The following EXOSC8 variants were observed in gnomAD, a reference collection of about 807,000 sequenced individuals.
EXOSC8 encodes exosome component 8.
In EXOSC8, 37 loss-of-function variants were observed where a neutral mutation model predicts 39.9. That is an observed-to-expected ratio of 0.93 (90% CI 0.71 to 1.22). The LOEUF (loss-of-function observed/expected upper bound fraction) is 1.22, where lower values mean the gene tolerates loss of function less well. EXOSC8 is among the 50% of genes most tolerant of loss of function. The probability of loss-of-function intolerance (pLI) is 0.00; values close to 1 mark genes in which losing one functional copy is unlikely to be tolerated. For synonymous variants in EXOSC8, 93 were observed against 109.5 expected, an observed-to-expected ratio of 0.85 and a Z score of 0.94; for missense variants, 313 against 326.6, an observed-to-expected ratio of 0.96 and a Z score of 0.32.
intron 3 of EXOSC8, 31 bp downstream of exon 3, chr13:37,002,582 T>G: frequency 7.0e-7 from 1 of 1,438,504 alleles, no homozygotes; most frequent in Non-Finnish European, 9.6e-7. Context: ...TTCAACTGTA[T>G]GATATTCCCA....
intron 8 of EXOSC8, 64 bp from the exon 9 acceptor site, chr13:37,007,993 A>T: frequency 7.7e-7 from 1 of 1,294,124 alleles, no homozygotes; most frequent in South Asian, 1.3e-5. Context: ...ATTAAAAAAA[A>T]AAAAGCTTAG....
Position 37,004,391 on chromosome 13 carries a change from C to T in EXOSC8, c.193-125C>T, listed in dbSNP as rs561554718. 115 of 658,352 alleles carry T rather than the reference C, an allele frequency of 1.7e-4. 1 individual carries two copies. The East Asian group carries it at 2.7e-3, about 16-fold the overall frequency. The allele number at this position is 658,352 out of a possible 1,614,324, so 40.8% of individuals were successfully genotyped here. ...TATTGTGAGGATCAGCACCAATGTCCGTAGAGGCCCTGACACAATTCCCTA... is the reference window on the plus strand; with the variant it reads ...TATTGTGAGGATCAGCACCAATGTCTGTAGAGGCCCTGACACAATTCCCTA... On this transcript the variant is annotated intron_variant, in intron 4 of 10. Transcript: ENST00000389704.
At chr13:37,003,167 G>A (rs2059117561) in intron 4 of EXOSC8, 160 bp downstream of exon 4, 1 of 490,210 alleles carries the variant, frequency 2.0e-6, no homozygotes, top group Admixed American at 3.9e-5. Flanking sequence ...TAGATAATAT[G>A]ACCCAAGTTT....
In EXOSC8 at chr13:37,009,245, CAAA is replaced by C. The variant is rs1566079637; in HGVS notation, c.778_780del (p.Lys260del). On this transcript the variant is annotated inframe_deletion, in exon 11 of 11. Coordinates refer to ENST00000389704, the MANE Select transcript of EXOSC8 (RefSeq NM_181503.3). ...GTATGAGCCGAGCAGTTACAAGACACAAAGAAGTTAAAAAACTGATGGATGAAG... is the reference window on the plus strand; with the variant it reads ...GTATGAGCCGAGCAGTTACAAGACACGAAGTTAAAAAACTGATGGATGAAG... 6.2e-7 allele frequency: 1 copy of C among 1,613,294 alleles called. No homozygotes were observed. The highest frequency in any genetic ancestry group is 1.3e-5 in the African/African-American group (1 of 74,852).
intron 9 of EXOSC8, 71 bp downstream of exon 9, chr13:37,008,248 C>T: frequency 2.3e-6 from 3 of 1,304,572 alleles, no homozygotes. Context: ...AGCATTCTAA[C>T]TCTTTAGGAA....
rs573781073 is a variant in EXOSC8, at chr13:37,008,613, G to A, written c.609-116G>A. ...CTACTAAAAACACAAAAATTAGCTG[G>A]GTGTGATGGCGTGTGCCTGTTAATT... is the stretch of plus-strand genomic sequence containing the variant. On this transcript the variant is annotated intron_variant, in intron 9 of 10. Coordinates refer to ENST00000389704, the MANE Select transcript of EXOSC8 (RefSeq NM_181503.3). 2.3e-5 allele frequency: 15 copies of A among 664,596 alleles called. 1 individual carries two copies. The South Asian group carries it at 2.8e-4, about 12-fold the overall frequency. 41.2% of individuals were successfully genotyped at this position (664,596 alleles called of 1,614,324 possible).
chr13:37,008,987 G>A (rs1216993231), intron 10 of EXOSC8, 152 bp downstream of exon 10: 1 of 720,730 alleles, frequency 1.4e-6, no homozygotes, highest in Non-Finnish European at 2.4e-6. Flanking sequence ...CATCTTAATG[G>A]TATATGTCAG....
intron 1 of EXOSC8, among the ~76,000 whole-genome samples, chr13:37,001,057 A>T (rs2059097695): frequency 6.6e-6 from 1 of 152,180 alleles, no homozygotes; most frequent in Admixed American, 6.5e-5. Context: ...ACCCGCTGCG[A>T]GCGCTCGTGA....
chr13:37,003,128 A>G (rs2059117354), intron 4 of EXOSC8, 121 bp downstream of exon 4: 1 of 641,416 alleles, frequency 1.6e-6, no homozygotes. Flanking sequence ...TTTAATGTTT[A>G]ATTTCCCAAG....
intron 1 of EXOSC8, 42 bp downstream of exon 1, chr13:37,000,864 G>C (rs1415121914): frequency 6.8e-7 from 1 of 1,474,168 alleles, no homozygotes; most frequent in Non-Finnish European, 9.0e-7. Context: ...GTACCCTGGC[G>C]GACGGCAGCT....
In EXOSC8 at chr13:37,005,589, C is replaced by T. The variant is rs927110169; in HGVS notation, c.239-331C>T. On this transcript the variant is annotated intron_variant, in intron 5 of 10. Transcript: ENST00000389704. ...AATCCATAAATTGAAAAGTTTAGGC[C>T]GGGCATGGTGGCTCACACCTGTAAC... 4.6e-5 allele frequency among the ~76,000 whole-genome samples: 7 copies of T among 151,992 alleles called. No homozygotes were observed. In the East Asian group the frequency reaches 1.4e-3, roughly 29 times the overall value.
At position 37,009,506 on chromosome 13, in the gene EXOSC8, T is replaced by C. The variant is rs892863838; in HGVS notation, c.*207T>C. 6.3e-6 allele frequency: 6 copies of C among 951,176 alleles called. No homozygotes were observed. The African/African-American group carries it at 8.3e-5, about 13-fold the overall frequency. 58.9% of individuals were successfully genotyped at this position (951,176 alleles called of 1,614,324 possible). A position where few individuals can be genotyped will look rare whatever the true frequency, so the allele number is the denominator to read the frequency against. On this transcript the variant is annotated 3_prime_UTR_variant, in exon 11 of 11. Coordinates refer to ENST00000389704, the MANE Select transcript of EXOSC8 (RefSeq NM_181503.3). ...AAACCAACCCTAGTTTGTTAAACCA[T>C]TTCCCTGTTTTTATTTAAAAATGAT...
intron 1 of EXOSC8, 33 bp downstream of exon 1, chr13:37,000,855 T>C (rs917492076): frequency 1.3e-6 from 2 of 1,498,720 alleles, no homozygotes; most frequent in East Asian, 2.7e-5. Flanking sequence ...TAGAGTTCTG[T>C]ACCCTGGCGG....
intron 10 of EXOSC8, 152 bp downstream of exon 10, chr13:37,008,987 GTA>G: frequency 2.8e-6 from 2 of 720,730 alleles, no homozygotes; most frequent in South Asian, 3.3e-5. Context: ...CATCTTAATG[GTA>G]TATGTCAGTG....
In EXOSC8 at chr13:37,008,623, C is replaced by T. The variant is rs1261932338; in HGVS notation, c.609-106C>T. 12 of 702,256 alleles carry T rather than the reference C, an allele frequency of 1.7e-5. No homozygotes were observed. The East Asian group carries it at 2.0e-4, about 11-fold the overall frequency. 43.5% of individuals were successfully genotyped at this position (702,256 alleles called of 1,614,324 possible). On this transcript the variant is annotated intron_variant, in intron 9 of 10. Transcript: ENST00000389704. ...CACAAAAATTAGCTGGGTGTGATGG[C>T]GTGTGCCTGTTAATTCCAGCTACTT...
chr13:37,002,065 C>G (rs949274737), intron 1 of EXOSC8, among the ~76,000 whole-genome samples: 5 of 152,114 alleles, frequency 3.3e-5, no homozygotes, highest in Non-Finnish European at 4.4e-5. Context: ...GGCTTTTAGA[C>G]GCCAATCTTC....
intron 4 of EXOSC8, chr13:37,003,793 T>A (rs923221035): frequency 1.3e-5 from 2 of 152,200 alleles, no homozygotes; most frequent in African/African-American, 4.8e-5. Context: ...AGGTAAGAGG[T>A]TAAATAACTT....
At chr13:37,006,899 T>A in intron 7 of EXOSC8, 76 bp from the exon 8 acceptor site, 1 of 886,030 alleles carries the variant, frequency 1.1e-6, no homozygotes, top group Non-Finnish European at 1.9e-6. Context: ...GGTTCTGTGG[T>A]TCTTAAGTCT....
In EXOSC8 at chr13:37,007,012, A is replaced by T; in HGVS notation, c.428A>T (p.Asp143Val). ...CTATACTGTGATCTCATTTGCCTCG[A>T]CTACGATGGAAACATTTTGGATGCC... ...WVLYCDLICL[D>V]YDGNILDACT... The change falls in exon 8 of 11, where the codon GAC becomes GTC. Residue 143 changes from aspartate (D) to valine (V), a missense_variant. Asp to Val is a radical substitution (Grantham distance 152). Coordinates refer to ENST00000389704, the MANE Select transcript of EXOSC8 (RefSeq NM_181503.3). 6.2e-7 allele frequency: 1 copy of T among 1,613,450 alleles called. No homozygotes were observed. The highest frequency in any genetic ancestry group is 8.5e-7 in the Non-Finnish European group (1 of 1,179,340).
Sources: allele counts gnomAD v4.1 joint callset (sites outside exome capture counted in the v4.1 genomes callset), GRCh38; gene constraint gnomAD v4.1.1; transcripts MANE v1.5; gene names NCBI Gene and HGNC (gene_info 2026-07-23, HGNC 2026-07-21).